Variants in CTNNA3 observed in about 807,000 individuals in gnomAD.
CTNNA3 encodes catenin alpha 3.
A neutral mutation model predicts 95.7 loss-of-function variants in CTNNA3; 76 were observed. The observed-to-expected ratio is 0.79, with a 90% confidence interval of 0.66 to 0.96. The LOEUF is 0.96. CTNNA3 is among the 40% of genes least tolerant of loss of function. The pLI, the probability that CTNNA3 is intolerant of heterozygous loss-of-function variation, is 0.00. For synonymous variants in CTNNA3, 431 were observed against 374.4 expected, an observed-to-expected ratio of 1.15 and a Z score of -1.74; for missense variants, 1,191 against 1,089.8, an observed-to-expected ratio of 1.09 and a Z score of -1.31.
At chr10:67,609,419 G>A (rs1843386662) in intron 2 of CTNNA3, among the ~76,000 whole-genome samples, 1 of 151,832 alleles carries the variant, frequency 6.6e-6, no homozygotes, top group Non-Finnish European at 1.5e-5. Flanking sequence ...TTGTTTACTT[G>A]GATATCTGGA....
At chr10:66,289,182 T>C (rs1209103113) in intron 12 of CTNNA3, among the ~76,000 whole-genome samples, 2 of 151,752 alleles carry the variant, frequency 1.3e-5, no homozygotes, top group African/African-American at 4.8e-5. Context: ...AATACTACAG[T>C]AAAAGATTAT....
intron 12 of CTNNA3, among the ~76,000 whole-genome samples, chr10:66,315,506 T>TTG (rs58802869): frequency 0.29 from 43,627 of 149,660 alleles, 6,541 homozygotes; most frequent in East Asian, 0.47. Flanking sequence ...CTGACTTCTC[T>TTG]TGTGTGTGTG....
chr10:66,602,389 A>G (rs1445252590), intron 10 of CTNNA3, among the ~76,000 whole-genome samples: 25 of 151,996 alleles, frequency 1.6e-4, no homozygotes, highest in Admixed American at 1.6e-3. Flanking sequence ...TTTTAAAAAA[A>G]CTGTTTATGT....
intron 12 of CTNNA3, among the ~76,000 whole-genome samples, chr10:66,325,905 C>T (rs901497821): frequency 2.0e-5 from 3 of 152,090 alleles, no homozygotes; most frequent in Non-Finnish European, 2.9e-5. Flanking sequence ...ATGCTTATTT[C>T]ATTCGAGAAG....
intron 5 of CTNNA3, among the ~76,000 whole-genome samples, chr10:67,489,346 C>T (rs1827727995): frequency 6.6e-6 from 1 of 152,118 alleles, no homozygotes; most frequent in African/African-American, 2.4e-5. Context: ...CATTCCTCAC[C>T]CAAGCCACCT....
chr10:66,518,009 C>T (rs1840923820), intron 11 of CTNNA3, among the ~76,000 whole-genome samples: 1 of 152,120 alleles, frequency 6.6e-6, no homozygotes, highest in African/African-American at 2.4e-5. Context: ...CTCCACATAG[C>T]TTAACTGCTC....
Position 67,641,413 on chromosome 10 carries a change from TG to T in CTNNA3, c.99+6001del, listed in dbSNP as rs78493430. On this transcript the variant is annotated intron_variant, in intron 2 of 17. Transcript: ENST00000433211. ...AACACTTTTACACTATTGGTGGGAC[TG>T]TAAACTACTTCAACCATTGTGGAGG... is the stretch of plus-strand genomic sequence containing the variant. 0.034 allele frequency among the ~76,000 whole-genome samples: 5,149 copies of T among 152,280 alleles called. 608 individuals are homozygous for T. The East Asian group carries it at 0.43, about 13-fold the overall frequency.
At chr10:66,461,902 T>C (rs758865153) in intron 11 of CTNNA3, among the ~76,000 whole-genome samples, 6 of 150,332 alleles carry the variant, frequency 4.0e-5, no homozygotes, top group Non-Finnish European at 7.4e-5. Flanking sequence ...AACCTCCGCC[T>C]CCCAGGTTCA....
At chr10:66,003,486 T>C (rs2078813643) in intron 15 of CTNNA3, among the ~76,000 whole-genome samples, 1 of 152,084 alleles carries the variant, frequency 6.6e-6, no homozygotes. Flanking sequence ...TAACAAATCC[T>C]AGACAGATTA....
intron 13 of CTNNA3, among the ~76,000 whole-genome samples, chr10:66,232,802 C>T (rs1485461840): frequency 6.6e-6 from 1 of 152,076 alleles, no homozygotes; most frequent in Non-Finnish European, 1.5e-5. Flanking sequence ...GTTACTAGGT[C>T]TATAGGATAT....
At chr10:66,542,675 G>A (rs1841897667) in intron 10 of CTNNA3, among the ~76,000 whole-genome samples, 1 of 149,978 alleles carries the variant, frequency 6.7e-6, no homozygotes, top group South Asian at 2.1e-4. Flanking sequence ...ACTCATAGGT[G>A]GGAATTGAAC....
At chr10:67,414,896 C>G (rs1845490648) in intron 5 of CTNNA3, among the ~76,000 whole-genome samples, 2 of 152,156 alleles carry the variant, frequency 1.3e-5, no homozygotes, top group Admixed American at 1.3e-4. Flanking sequence ...ACCACACAAA[C>G]AGAATCAAGA....
chr10:66,265,597 G>C (rs1213194075), intron 13 of CTNNA3, among the ~76,000 whole-genome samples: 4 of 151,978 alleles, frequency 2.6e-5, no homozygotes, highest in African/African-American at 9.7e-5. Context: ...CCTCCTTCCT[G>C]TTCTTTAGGT....
intron 5 of CTNNA3, among the ~76,000 whole-genome samples, chr10:67,439,919 T>C (rs968223455): frequency 1.8e-4 from 28 of 152,172 alleles, no homozygotes; most frequent in Non-Finnish European, 3.7e-4. Flanking sequence ...CTGTGGGAAC[T>C]ATGGTGAAAA....
chr10:66,798,306 T>C (rs927057567), intron 7 of CTNNA3, among the ~76,000 whole-genome samples: 5 of 151,828 alleles, frequency 3.3e-5, no homozygotes, highest in African/African-American at 1.2e-4. Flanking sequence ...TATCTTGCAG[T>C]TAATATATTT....
At chr10:67,025,153 AAAGGAAGG>A (rs1221696371) in intron 7 of CTNNA3, among the ~76,000 whole-genome samples, 51 of 149,334 alleles carry the variant, frequency 3.4e-4, no homozygotes, top group African/African-American at 1.2e-3. Flanking sequence ...AAAAAGAAAG[AAAGGAAGG>A]AAGGAAGGAA....
chr10:66,877,426 G>A lies in CTNNA3; in HGVS notation c.1048-101902C>T, dbSNP rs559813269. Among the ~76,000 whole-genome samples the A allele has an allele frequency of 7.2e-5, 11 of 152,260 alleles. No homozygotes were observed. In the South Asian group the frequency reaches 2.1e-3, roughly 29 times the overall value. On this transcript the variant is annotated intron_variant, in intron 7 of 17. Transcript: ENST00000433211. ...TTTCTTGAAGTGGACTGGGGCCAGG[G>A]ATTAACTCCAGCTCTGATGCTGGCT...
intron 5 of CTNNA3, among the ~76,000 whole-genome samples, chr10:67,473,890 T>C (rs778160754): frequency 1.6e-4 from 25 of 152,156 alleles, no homozygotes; most frequent in Non-Finnish European, 2.6e-4. Context: ...GAACTTTATA[T>C]TATTCTGAGC....
chr10:66,342,277 C>G (rs2092461939), intron 12 of CTNNA3, among the ~76,000 whole-genome samples: 1 of 151,890 alleles, frequency 6.6e-6, no homozygotes, highest in African/African-American at 2.4e-5. Context: ...TCACTGTTTC[C>G]TCAGAGCCCA....
Sources: gnomAD v4.1 joint callset for allele counts (sites outside exome capture counted in the v4.1 genomes callset) on GRCh38, gnomAD v4.1.1 for gene constraint, MANE v1.5 for transcripts, NCBI Gene and HGNC (gene_info 2026-07-23, HGNC 2026-07-21) for gene names.